The following GATAD2B variants were observed in gnomAD, a reference collection of about 807,000 sequenced individuals.
The protein encoded by GATAD2B is transcriptional repressor p66-beta.
Under a neutral mutation model 64.3 loss-of-function variants are expected in GATAD2B, and 8 were observed. That is an observed-to-expected ratio of 0.12 (90% CI 0.07 to 0.22). The LOEUF (loss-of-function observed/expected upper bound fraction) is 0.22, where lower values mean the gene tolerates loss of function less well. GATAD2B is among the 10% of genes least tolerant of loss of function. The pLI, the probability that GATAD2B is intolerant of heterozygous loss-of-function variation, is 1.00. For synonymous variants in GATAD2B, 281 were observed against 271.3 expected, an observed-to-expected ratio of 1.04 and a Z score of -0.35; for missense variants, 453 against 752.0, an observed-to-expected ratio of 0.60 and a Z score of 4.65.
At chr1:153,813,208 A>G (rs777708521) in intron 8 of GATAD2B, 42 bp downstream of exon 8, 12 of 1,551,158 alleles carry the variant, frequency 7.7e-6, no homozygotes, top group Non-Finnish European at 1.1e-5. Flanking sequence ...TTTGGAAAAA[A>G]CAAACTGGGA....
At chr1:153,855,686 T>A (rs947676509) in intron 1 of GATAD2B, among the ~76,000 whole-genome samples, 73 of 152,154 alleles carry the variant, frequency 4.8e-4, no homozygotes, top group African/African-American at 1.5e-3. Context: ...TTTATATATT[T>A]TTTTTTTACA....
At chr1:153,855,683 A>T (rs1456954044) in intron 1 of GATAD2B, among the ~76,000 whole-genome samples, 3 of 150,208 alleles carry the variant, frequency 2.0e-5, no homozygotes, top group African/African-American at 4.9e-5. Flanking sequence ...TATTTTATAT[A>T]TTTTTTTTTT....
intron 1 of GATAD2B, among the ~76,000 whole-genome samples, chr1:153,892,480 A>T (rs1442247693): frequency 1.3e-5 from 2 of 152,104 alleles, no homozygotes. Context: ...CTCACCTAGA[A>T]CTCTCTAGAC....
intron 1 of GATAD2B, among the ~76,000 whole-genome samples, chr1:153,854,379 G>A (rs902631719): frequency 6.6e-6 from 1 of 152,006 alleles, no homozygotes; most frequent in African/African-American, 2.4e-5. Flanking sequence ...CTCCAGCCTG[G>A]GCGACAGAGC....
intron 1 of GATAD2B, among the ~76,000 whole-genome samples, chr1:153,857,755 C>CT (rs1275698031): frequency 6.6e-6 from 1 of 152,152 alleles, no homozygotes; most frequent in Non-Finnish European, 1.5e-5. Flanking sequence ...TGTAGTTTGC[C>CT]TTCTGCCACA....
intron 8 of GATAD2B, among the ~76,000 whole-genome samples, chr1:153,813,014 G>A (rs1373751574): frequency 6.6e-6 from 1 of 152,166 alleles, no homozygotes; most frequent in Non-Finnish European, 1.5e-5. Flanking sequence ...GAGTGCTATG[G>A]AAAAGCCAAG....
Position 153,922,923 on chromosome 1 carries a change from G to A in GATAD2B, c.-192C>T, listed in dbSNP as rs781538579. The A allele has an allele frequency of 5.7e-4, 89 of 156,108 alleles. No homozygotes were observed. The highest frequency in any genetic ancestry group is 5.1e-4 in the South Asian group (3 of 5,874). The allele number at this position is 156,108 out of a possible 1,614,324, so 9.7% of individuals were successfully genotyped here. ...ACACTGCGGTACAGACGGGGGCAGCGGCGGCGGCGACGGCTGCACCGGCGG... is the reference window on the plus strand; with the variant it reads ...ACACTGCGGTACAGACGGGGGCAGCAGCGGCGGCGACGGCTGCACCGGCGG... On this transcript the variant is annotated 5_prime_UTR_variant, in exon 1 of 11. Coordinates refer to ENST00000368655, the MANE Select transcript of GATAD2B (RefSeq NM_020699.4).
chr1:153,903,392 C>T (rs937461398), intron 1 of GATAD2B, among the ~76,000 whole-genome samples: 1 of 152,122 alleles, frequency 6.6e-6, no homozygotes. Flanking sequence ...AAACTCATAT[C>T]ATTGCTCAGA....
At chr1:153,912,048 A>C (rs1171374838) in intron 1 of GATAD2B, among the ~76,000 whole-genome samples, 1 of 152,238 alleles carries the variant, frequency 6.6e-6, no homozygotes, top group East Asian at 1.9e-4. Context: ...TTTGGAAATT[A>C]AAAATGCCCA....
At chr1:153,873,315 C>T (rs1570978711) in intron 1 of GATAD2B, among the ~76,000 whole-genome samples, 2 of 152,276 alleles carry the variant, frequency 1.3e-5, no homozygotes, top group East Asian at 3.9e-4. Context: ...AATCTCTCTT[C>T]TTTGTACTTC....
chr1:153,814,996 G>A (rs535988305), intron 7 of GATAD2B, among the ~76,000 whole-genome samples: 8 of 130,002 alleles, frequency 6.2e-5, no homozygotes, highest in Admixed American at 9.1e-5. Context: ...AAAAAGAATT[G>A]CTTGAAACCA....
chr1:153,892,418 AAAAT>A (rs1331998908), intron 1 of GATAD2B, among the ~76,000 whole-genome samples: 1 of 152,138 alleles, frequency 6.6e-6, no homozygotes, highest in Admixed American at 6.6e-5. Flanking sequence ...ATCCAAGGGA[AAAAT>A]AAATAAACTG....
chr1:153,859,137 T>C (rs372252523), intron 1 of GATAD2B, among the ~76,000 whole-genome samples: 1 of 151,910 alleles, frequency 6.6e-6, no homozygotes, highest in Non-Finnish European at 1.5e-5. Context: ...CCGAGGTATG[T>C]AGGATGATTG....
At chr1:153,893,182 C>G (rs906967623) in intron 1 of GATAD2B, among the ~76,000 whole-genome samples, 1 of 152,086 alleles carries the variant, frequency 6.6e-6, no homozygotes, top group African/African-American at 2.4e-5. Flanking sequence ...ATGGAACCTA[C>G]AGGAAAAACA....
At chr1:153,850,920 CA>C (rs879637778) in intron 1 of GATAD2B, among the ~76,000 whole-genome samples, 74 of 138,300 alleles carry the variant, frequency 5.4e-4, no homozygotes, top group East Asian at 1.9e-3. Flanking sequence ...GACTCCACCT[CA>C]AAAAAAAAAA....
intron 1 of GATAD2B, among the ~76,000 whole-genome samples, chr1:153,909,409 T>A (rs1286988598): frequency 6.6e-6 from 1 of 151,758 alleles, no homozygotes; most frequent in Non-Finnish European, 1.5e-5. Flanking sequence ...AGATGGGGTT[T>A]CACTGTGGTC....
chr1:153,877,566 A>T (rs1316919101), intron 1 of GATAD2B, among the ~76,000 whole-genome samples: 3 of 152,050 alleles, frequency 2.0e-5, no homozygotes, highest in African/African-American at 7.3e-5. Flanking sequence ...GGCTCCTAAC[A>T]TCAAGAGAAA....
chr1:153,860,536 T>C (rs1313611117), intron 1 of GATAD2B, among the ~76,000 whole-genome samples: 3 of 152,068 alleles, frequency 2.0e-5, no homozygotes, highest in East Asian at 3.9e-4. Flanking sequence ...GGTCTTGCTA[T>C]GTTGCCCAGG....
At chr1:153,819,507 C>A in intron 3 of GATAD2B, 99 bp downstream of exon 3, 1 of 869,448 alleles carries the variant, frequency 1.2e-6, no homozygotes, top group East Asian at 2.6e-5. Flanking sequence ...TATTTATATC[C>A]AAAGAGTAAA....
Sources: allele counts gnomAD v4.1 joint callset (sites outside exome capture counted in the v4.1 genomes callset), GRCh38; gene constraint gnomAD v4.1.1; transcripts MANE v1.5; gene names NCBI Gene and HGNC (gene_info 2026-07-23, HGNC 2026-07-21).